Variants in BABAM2 observed in about 807,000 individuals in gnomAD.
BABAM2 encodes BRISC and BRCA1-A complex member 2.
A neutral mutation model predicts 54.7 loss-of-function variants in BABAM2; 31 were observed. The observed-to-expected ratio is 0.57, with a 90% CI of 0.43 to 0.77. The LOEUF is 0.77. Among genes scored for constraint, BABAM2 ranks in the 30% least tolerant of loss-of-function variants. BABAM2 has a pLI of 0.00. For missense variants in BABAM2, 364 were observed against 455.8 expected (o/e 0.80, Z 1.83); for synonymous variants, 167 against 162.9 (o/e 1.03, Z -0.19).
chr2:28,045,691 T>C, intron 5 of BABAM2, 34 bp from the exon 6 acceptor site: 1 of 1,559,824 alleles, frequency 6.4e-7, no homozygotes, highest in Non-Finnish European at 8.8e-7. Context: ...CTATTTTTGA[T>C]TTTAATCTTA....
At chr2:28,049,982 G>T (rs560379150) in intron 6 of BABAM2, among the ~76,000 whole-genome samples, 1 of 152,306 alleles carries the variant, frequency 6.6e-6, no homozygotes, top group Non-Finnish European at 1.5e-5. Flanking sequence ...TATTCACAGA[G>T]CCAGGCAAGT....
At chr2:28,026,748 T>C (rs1173481314) in intron 5 of BABAM2, among the ~76,000 whole-genome samples, 4 of 59,342 alleles carry the variant, frequency 6.7e-5, no homozygotes, top group Non-Finnish European at 1.2e-4. Context: ...TATATTTATA[T>C]ATAAATATAT....
intron 6 of BABAM2, among the ~76,000 whole-genome samples, chr2:28,078,974 A>G (rs1443532455): frequency 6.6e-6 from 1 of 152,206 alleles, no homozygotes; most frequent in Admixed American, 6.5e-5. Flanking sequence ...ACAGTTAATC[A>G]TATTTCCAGC....
At position 28,112,197 on chromosome 2, in the gene BABAM2, C is replaced by CCCTCCCTCCCTTCCTTCCTT. The variant is rs1558347424; in HGVS notation, c.571-17071_571-17070insCCCTCCCTTCCTTCCTTCCT. Among the ~76,000 whole-genome samples the CCCTCCCTCCCTTCCTTCCTT allele has an allele frequency of 1.3e-3, 33 of 25,492 alleles. 3 individuals carry two copies. Among genetic ancestry groups the CCCTCCCTCCCTTCCTTCCTT allele is most frequent in the African/African-American group, 5.7e-3 (30 of 5,234 alleles). The allele number at this position is 25,492 out of a possible 152,430, so 16.7% of individuals were successfully genotyped here. A position where few individuals can be genotyped will look rare whatever the true frequency, so the allele number is the denominator to read the frequency against. On this transcript the variant is annotated intron_variant, in intron 6 of 11. Transcript: ENST00000379624. ...TCCCTCCCTCCCTCCCTCCCTCCCT[C>CCCTCCCTCCCTTCCTTCCTT]CCTTCCTTCCTTCCTTCCTTCCTTC...
intron 6 of BABAM2, among the ~76,000 whole-genome samples, chr2:28,099,289 G>A (rs1297040820): frequency 2.0e-5 from 3 of 152,134 alleles, no homozygotes; most frequent in Non-Finnish European, 2.9e-5. Flanking sequence ...TATGCAGACA[G>A]AATTGAGTTT....
chr2:28,196,581 G>C (rs1468398823), intron 7 of BABAM2, among the ~76,000 whole-genome samples: 1 of 152,044 alleles, frequency 6.6e-6, no homozygotes, highest in Non-Finnish European at 1.5e-5. Flanking sequence ...ATGGCTCAAT[G>C]CCTGTAAGCC....
intron 7 of BABAM2, among the ~76,000 whole-genome samples, chr2:28,145,593 G>A (rs1335644329): frequency 6.6e-6 from 1 of 152,062 alleles, no homozygotes; most frequent in African/African-American, 2.4e-5. Context: ...TATAATTCCT[G>A]TACAGCTCAC....
At chr2:27,966,489 A>G (rs1264554041) in intron 3 of BABAM2, among the ~76,000 whole-genome samples, 1 of 152,232 alleles carries the variant, frequency 6.6e-6, no homozygotes, top group South Asian at 2.1e-4. Context: ...GTCTTTGACC[A>G]GGAGCCTCTG....
intron 11 of BABAM2, among the ~76,000 whole-genome samples, chr2:28,331,234 G>T (rs1690931828): frequency 6.6e-6 from 1 of 152,080 alleles, no homozygotes; most frequent in South Asian, 2.1e-4. Flanking sequence ...GAAAATCTAG[G>T]CAATACCACT....
At chr2:28,210,420 A>G (rs1401689503) in intron 7 of BABAM2, among the ~76,000 whole-genome samples, 1 of 152,202 alleles carries the variant, frequency 6.6e-6, no homozygotes, top group African/African-American at 2.4e-5. Context: ...GAGTGCTTGT[A>G]ACTTCCTGAA....
At chr2:28,272,574 AGTG>A (rs531028805) in intron 10 of BABAM2, among the ~76,000 whole-genome samples, 43 of 152,314 alleles carry the variant, frequency 2.8e-4, no homozygotes, top group African/African-American at 9.9e-4. Flanking sequence ...TGCTCCAAAG[AGTG>A]GTGGGAGCAT....
At chr2:28,163,121 A>T (rs1285288851) in intron 7 of BABAM2, among the ~76,000 whole-genome samples, 1 of 152,126 alleles carries the variant, frequency 6.6e-6, no homozygotes, top group Non-Finnish European at 1.5e-5. Flanking sequence ...TGCCCCCCGA[A>T]AAAAGACGGT....
At chr2:27,927,645 A>G (rs1667805754) in intron 2 of BABAM2, among the ~76,000 whole-genome samples, 1 of 152,154 alleles carries the variant, frequency 6.6e-6, no homozygotes, top group African/African-American at 2.4e-5. Context: ...GTACTCTGAG[A>G]AATTTTTTTT....
At chr2:28,176,201 A>G (rs1040919489) in intron 7 of BABAM2, among the ~76,000 whole-genome samples, 3 of 152,216 alleles carry the variant, frequency 2.0e-5, no homozygotes, top group African/African-American at 4.8e-5. Flanking sequence ...AGGGAGTACA[A>G]TAATTCTCCA....
At position 28,026,937 on chromosome 2, in the gene BABAM2, TAA is replaced by T. The variant is rs1377001361; in HGVS notation, c.495+1519_495+1520del. ...ATATTAATATATATAAATATATATA[TAA>T]ATATATATTAATATATATAAATATA... On this transcript the variant is annotated intron_variant, in intron 5 of 11. Coordinates refer to ENST00000379624, the MANE Select transcript of BABAM2 (RefSeq NM_199191.3). Among the ~76,000 whole-genome samples, 20 of 10,316 alleles carry T rather than the reference TAA, an allele frequency of 1.9e-3. 2 individuals are homozygous for T. The highest frequency in any genetic ancestry group is 2.6e-3 in the African/African-American group (20 of 7,634). 6.8% of individuals were successfully genotyped at this position (10,316 alleles called of 152,430 possible).
At chr2:28,242,998 A>G (rs1374849608) in intron 9 of BABAM2, among the ~76,000 whole-genome samples, 1 of 152,200 alleles carries the variant, frequency 6.6e-6, no homozygotes, top group Non-Finnish European at 1.5e-5. Context: ...GTGGCCTCCA[A>G]AATGTAGTAC....
intron 3 of BABAM2, among the ~76,000 whole-genome samples, chr2:27,969,119 G>A (rs1290344542): frequency 1.3e-5 from 2 of 152,106 alleles, no homozygotes; most frequent in Non-Finnish European, 2.9e-5. Flanking sequence ...GGTTCTATAA[G>A]GGGGAGTTTC....
rs571895378 is a variant in BABAM2, at chr2:28,333,242, T to C, written c.1089-5208T>C. Among the ~76,000 whole-genome samples, 305 of 152,280 alleles carry C rather than the reference T, an allele frequency of 2.0e-3. 2 individuals carry two copies. The highest frequency in any genetic ancestry group is 7.2e-3 in the African/African-American group (299 of 41,560). On this transcript the variant is annotated intron_variant, in intron 11 of 11. Coordinates refer to ENST00000379624, the MANE Select transcript of BABAM2 (RefSeq NM_199191.3). ...GCCTTTTAGATGAAGAAACTAACGC[T>C]GCAGTCACTTGCCCTCATGATCAAC...
intron 10 of BABAM2, among the ~76,000 whole-genome samples, chr2:28,270,215 A>G (rs1213198415): frequency 6.6e-6 from 1 of 152,034 alleles, no homozygotes; most frequent in East Asian, 1.9e-4. Context: ...TCAAACTCCT[A>G]GACTCAAGCC....
Sources: allele counts gnomAD v4.1 joint callset (sites outside exome capture counted in the v4.1 genomes callset), GRCh38; gene constraint gnomAD v4.1.1; transcripts MANE v1.5; gene names NCBI Gene and HGNC (gene_info 2026-07-23, HGNC 2026-07-21).